ADAMTSL1: variants seen among roughly 807,000 people sequenced by gnomAD.
ADAMTSL1 encodes ADAMTS-like protein 1.
ADAMTSL1 carries 126 observed loss-of-function variants against 201.8 expected under a neutral mutation model. The observed-to-expected ratio is 0.62, with a 90% CI of 0.54 to 0.72. ADAMTSL1 has a LOEUF of 0.72. Ranked by LOEUF, ADAMTSL1 falls within the 30% of genes least tolerant of loss-of-function variation. The probability of loss-of-function intolerance (pLI) is 0.00; values close to 1 mark genes in which losing one functional copy is unlikely to be tolerated. For synonymous variants in ADAMTSL1, 1,121 were observed against 903.4 expected, an observed-to-expected ratio of 1.24 and a Z score of -4.32; for missense variants, 2,679 against 2,277.8, an observed-to-expected ratio of 1.18 and a Z score of -3.59.
chr9:18,204,546 T>C (rs189291347), intron 2 of ADAMTSL1, among the ~76,000 whole-genome samples: 1 of 152,266 alleles, frequency 6.6e-6, no homozygotes, highest in African/African-American at 2.4e-5. Flanking sequence ...TAGTATGCAC[T>C]TGAGAAATTT....
At chr9:18,647,553 T>C (rs1295455836) in intron 7 of ADAMTSL1, among the ~76,000 whole-genome samples, 5 of 152,208 alleles carry the variant, frequency 3.3e-5, no homozygotes, top group African/African-American at 7.2e-5. Context: ...TACACACTGC[T>C]TTGAATGTGT....
intron 2 of ADAMTSL1, among the ~76,000 whole-genome samples, chr9:18,166,875 A>G (rs1358342974): frequency 6.6e-6 from 1 of 151,982 alleles, no homozygotes; most frequent in Non-Finnish European, 1.5e-5. Context: ...GGTCATTTTG[A>G]CCTTTCAGTG....
chr9:18,520,906 G>T (rs867602058), intron 2 of ADAMTSL1, among the ~76,000 whole-genome samples: 2 of 152,180 alleles, frequency 1.3e-5, no homozygotes, highest in Admixed American at 1.3e-4. Context: ...CTGCTTCTGC[G>T]TGGGATTCAG....
At chr9:18,092,522 T>A (rs1434605027) in intron 1 of ADAMTSL1, among the ~76,000 whole-genome samples, 4 of 152,230 alleles carry the variant, frequency 2.6e-5, no homozygotes, top group African/African-American at 9.7e-5. Flanking sequence ...TATTTCTTTT[T>A]TTCTTGATGT....
At chr9:18,111,124 C>T (rs1467373724) in intron 1 of ADAMTSL1, among the ~76,000 whole-genome samples, 5 of 152,114 alleles carry the variant, frequency 3.3e-5, no homozygotes, top group African/African-American at 4.8e-5. Flanking sequence ...CAAAAATTGA[C>T]CTTTTGCTTT....
At chr9:18,377,063 G>A (rs759191762) in intron 2 of ADAMTSL1, among the ~76,000 whole-genome samples, 4 of 152,206 alleles carry the variant, frequency 2.6e-5, no homozygotes, top group Non-Finnish European at 5.9e-5. Context: ...GCCTGATAGA[G>A]TTTTCTTCAA....
intron 5 of ADAMTSL1, among the ~76,000 whole-genome samples, chr9:18,634,898 A>AATATAT (rs1228737107): frequency 0.12 from 14,436 of 124,708 alleles, 1,088 homozygotes; most frequent in Admixed American, 0.16. Flanking sequence ...TATGTATGTA[A>AATATAT]ATATATATTT....
At chr9:18,122,532 C>A (rs1825546064) in intron 1 of ADAMTSL1, among the ~76,000 whole-genome samples, 1 of 152,152 alleles carries the variant, frequency 6.6e-6, no homozygotes, top group South Asian at 2.1e-4. Flanking sequence ...TTTCATAGAT[C>A]TGATTCTACT....
chr9:18,217,866 T>C (rs1462416045), intron 2 of ADAMTSL1, among the ~76,000 whole-genome samples: 1 of 151,950 alleles, frequency 6.6e-6, no homozygotes, highest in African/African-American at 2.4e-5. Context: ...TTTTTTTTTC[T>C]GTGCCTTGAG....
chr9:18,009,383 C>G (rs771009256), intron 1 of ADAMTSL1, among the ~76,000 whole-genome samples: 4 of 151,948 alleles, frequency 2.6e-5, no homozygotes, highest in Non-Finnish European at 4.4e-5. Flanking sequence ...AAACACTGCA[C>G]TGGAAATGCT....
intron 1 of ADAMTSL1, among the ~76,000 whole-genome samples, chr9:17,965,889 C>T (rs1169484222): frequency 6.6e-6 from 1 of 152,124 alleles, no homozygotes; most frequent in Non-Finnish European, 1.5e-5. Flanking sequence ...AGCCAGGCAG[C>T]TTTTTTGCTG....
At chr9:18,533,417 T>C in intron 3 of ADAMTSL1, 125 bp downstream of exon 3, 1 of 605,512 alleles carries the variant, frequency 1.7e-6, no homozygotes, top group South Asian at 3.5e-5. Flanking sequence ...TATCTCATAC[T>C]GTACTGATTA....
chr9:18,054,400 G>C (rs1007918767), intron 1 of ADAMTSL1, among the ~76,000 whole-genome samples: 2 of 152,174 alleles, frequency 1.3e-5, no homozygotes, highest in Non-Finnish European at 2.9e-5. Flanking sequence ...TTGTAGTATT[G>C]CTTCTAATAG....
intron 2 of ADAMTSL1, among the ~76,000 whole-genome samples, chr9:18,199,252 A>G (rs1738905469): frequency 6.6e-6 from 1 of 152,166 alleles, no homozygotes; most frequent in South Asian, 2.1e-4. Context: ...TAAAACTTAA[A>G]GTGTAATAAT....
chr9:17,977,869 A>G (rs529058377), intron 1 of ADAMTSL1, among the ~76,000 whole-genome samples: 18 of 152,134 alleles, frequency 1.2e-4, no homozygotes, highest in African/African-American at 3.6e-4. Flanking sequence ...TTCAAATCCA[A>G]TGTTTCCTTG....
At position 18,240,723 on chromosome 9, in the gene ADAMTSL1, C is replaced by T. The variant is rs558942070; in HGVS notation, c.207+76742C>T. Among the ~76,000 whole-genome samples the T allele has an allele frequency of 9.2e-5, 14 of 152,270 alleles. 1 individual carries two copies. The highest frequency in any genetic ancestry group is 2.1e-4 in the South Asian group (1 of 4,818). On this transcript the variant is annotated intron_variant, in intron 2 of 29. Transcript: ENST00000680146. ...GGAGTACTCCCTAACATATCTTATA[C>T]GGCTGTTTCATCTACGTTGAAAATC...
At chr9:18,903,435 G>A (rs1830120006) in intron 26 of ADAMTSL1, among the ~76,000 whole-genome samples, 1 of 152,138 alleles carries the variant, frequency 6.6e-6, no homozygotes, top group African/African-American at 2.4e-5. Context: ...AAGTCTCAGT[G>A]GTTACATGTG....
intron 2 of ADAMTSL1, among the ~76,000 whole-genome samples, chr9:18,289,771 C>G (rs549839400): frequency 1.1e-4 from 17 of 152,318 alleles, no homozygotes; most frequent in Admixed American, 9.1e-4. Context: ...GAGACACCAG[C>G]TCTATTTTTT....
chr9:18,428,819 G>C (rs1382527448), intron 2 of ADAMTSL1, among the ~76,000 whole-genome samples: 1 of 152,136 alleles, frequency 6.6e-6, no homozygotes, highest in East Asian at 1.9e-4. Flanking sequence ...TCTTTAGTGT[G>C]TAATCCATAA....
Sources: allele counts gnomAD v4.1 joint callset (sites outside exome capture counted in the v4.1 genomes callset), GRCh38; gene constraint gnomAD v4.1.1; transcripts MANE v1.5; gene names NCBI Gene and HGNC (gene_info 2026-07-23, HGNC 2026-07-21).